RADIL: variants seen among roughly 807,000 people sequenced by gnomAD.
RADIL encodes ras-associating and dilute domain-containing protein.
RADIL carries 99 observed loss-of-function variants against 97.6 expected under a neutral mutation model. The observed-to-expected ratio is 1.01, with a 90% CI of 0.86 to 1.20. The LOEUF (loss-of-function observed/expected upper bound fraction) is 1.20. Among genes scored for constraint, RADIL ranks in the 50% most tolerant of loss-of-function variants. The probability of loss-of-function intolerance (pLI) is 0.00; values close to 1 mark genes in which losing one functional copy is unlikely to be tolerated. For synonymous variants in RADIL, 803 were observed against 691.8 expected, an observed-to-expected ratio of 1.16 and a Z score of -2.52; for missense variants, 1,765 against 1,498.9, an observed-to-expected ratio of 1.18 and a Z score of -2.93.
rs374130903 is a variant in RADIL at position 4,799,785 on chromosome 7, G to A, written c.2983-16C>T. 1.8e-4 allele frequency: 267 copies of A among 1,508,310 alleles called. 1 individual carries two copies. In the African/African-American group the frequency reaches 3.3e-3, roughly 19 times the overall value. The allele number at this position is 1,508,310 out of a possible 1,614,324, so 93.4% of individuals were successfully genotyped here. A position where few individuals can be genotyped will look rare whatever the true frequency, so the allele number is the denominator to read the frequency against. ...GGTGCGTGTGCTGGGGACAAGCAGA[G>A]GCCTCAGAGCTCCGCAGGCCCGACT... is the stretch of plus-strand genomic sequence containing the variant. On this transcript the variant is annotated splice_polypyrimidine_tract_variant and intron_variant, in intron 13 of 14. Transcript: ENST00000399583.
intron 2 of RADIL, chr7:4,860,585 T>G: frequency 6.2e-7 from 1 of 1,614,250 alleles, no homozygotes; most frequent in Non-Finnish European, 8.5e-7. Context: ...AATAAATTCA[T>G]TCTTCTCCAA....
rs1000083496 is a variant in RADIL, at chr7:4,880,089, G to A, written c.-64-1886C>T. Among the ~76,000 whole-genome samples the A allele has an allele frequency of 3.3e-5, 5 of 152,134 alleles. No homozygotes were observed. The highest frequency in any genetic ancestry group is 4.4e-5 in the Non-Finnish European group (3 of 68,036). ...TAGCCCACTGCGGACACTTCACCACGGCAAAGGCTTTCGCTGTGCCTGGCT... is the reference window on the plus strand; with the variant it reads ...TAGCCCACTGCGGACACTTCACCACAGCAAAGGCTTTCGCTGTGCCTGGCT... On this transcript the variant is annotated intron_variant, in intron 1 of 14. Coordinates refer to ENST00000399583, the MANE Select transcript of RADIL (RefSeq NM_018059.5). This position sits in a 1 kb window ranked among gnomAD's most constrained non-coding sequence, Gnocchi z 4.5.
intron 9 of RADIL, among the ~76,000 whole-genome samples, chr7:4,809,931 C>G (rs115634997): frequency 0.017 from 2,538 of 152,250 alleles, 79 homozygotes; most frequent in African/African-American, 0.058. Flanking sequence ...CGGCTCACTG[C>G]CAGCTCCATC....
chr7:4,845,680 C>T (rs1783549282), intron 2 of RADIL, among the ~76,000 whole-genome samples: 6 of 152,156 alleles, frequency 3.9e-5, no homozygotes, highest in Admixed American at 3.9e-4. Flanking sequence ...TATTTTTTTA[C>T]ATACTCTAGG....
At chr7:4,799,947 G>A (rs949400441) in intron 13 of RADIL, among the ~76,000 whole-genome samples, 178 bp from the exon 14 acceptor site, 4 of 152,214 alleles carry the variant, frequency 2.6e-5, no homozygotes, top group African/African-American at 9.6e-5. Flanking sequence ...ACAGGCCCAG[G>A]ACAGACCCCA....
rs371257914 is a variant in RADIL at position 4,836,575 on chromosome 7, C to A, written c.566G>T (p.Arg189Leu). 6 of 1,607,498 alleles carry A rather than the reference C, an allele frequency of 3.7e-6. No individual in the cohort carries two copies. Among genetic ancestry groups the A allele is most frequent in the Non-Finnish European group, 5.1e-6 (6 of 1,179,554 alleles). The change falls in exon 3 of 15, where the codon CGG (arginine) becomes CTG (leucine). Residue 189 changes from arginine to leucine, a missense_variant. Physicochemically the swap from Arg to Leu is moderately radical, Grantham distance 102. Transcript: ENST00000399583. ...GINAQARRLQRSRAKGTPTPA... is the reference protein window; with the variant it reads ...GINAQARRLQLSRAKGTPTPA... ...GGTCGGGGTTCCCTTCGCGCGACTC[C>A]GCTGCAGCCTCCGGGCCTGGGCGTT...
At chr7:4,802,408 C>CGG (rs775997082) in intron 11 of RADIL, among the ~76,000 whole-genome samples, 9 of 106,900 alleles carry the variant, frequency 8.4e-5, no homozygotes, top group African/African-American at 1.1e-4. Context: ...GCTGGCTGGG[C>CGG]CCCCTCCCCG....
chr7:4,853,465 G>C (rs996099686), intron 2 of RADIL, among the ~76,000 whole-genome samples: 1 of 152,036 alleles, frequency 6.6e-6, no homozygotes, highest in African/African-American at 2.4e-5. Context: ...GGGGTAGGCC[G>C]GGCATGTTGG....
chr7:4,860,959 G>A, intron 2 of RADIL: 1 of 1,614,216 alleles, frequency 6.2e-7, no homozygotes, highest in Non-Finnish European at 8.5e-7. Flanking sequence ...GTAACACTGG[G>A]TTTGGCCATT....
rs1781985661 is a variant in RADIL at position 4,798,814 on chromosome 7, G to A, written c.*564C>T. On this transcript the variant is annotated 3_prime_UTR_variant, in exon 15 of 15. Transcript: ENST00000399583. The stretch of plus-strand genomic sequence containing the variant: ...AGGCCGGTCCACTTTCCAACGCCTG[G>A]GTGTCTAGACCTTTCTCTGGGGCCT... The A allele has an allele frequency of 6.5e-6, 1 of 153,624 alleles. No individual in the cohort carries two copies. Among genetic ancestry groups the A allele is most frequent in the South Asian group, 2.0e-4 (1 of 4,906 alleles). The allele number at this position is 153,624 out of a possible 1,614,324, so 9.5% of individuals were successfully genotyped here. A position where few individuals can be genotyped will look rare whatever the true frequency, so the allele number is the denominator to read the frequency against.
intron 9 of RADIL, chr7:4,809,629 T>A: frequency 1.0e-6 from 1 of 984,940 alleles, no homozygotes; most frequent in Non-Finnish European, 1.2e-6. Flanking sequence ...CAGCTCAACC[T>A]GCCCTTTCAG....
At chr7:4,808,046 C>A in intron 9 of RADIL, among the ~76,000 whole-genome samples, 1 of 126,356 alleles carries the variant, frequency 7.9e-6, no homozygotes, top group Non-Finnish European at 1.7e-5. Flanking sequence ...GCTCCTTCCT[C>A]CCTCTCCTTC....
chr7:4,850,386 C>G (rs1467196462), intron 2 of RADIL, among the ~76,000 whole-genome samples: 1 of 152,178 alleles, frequency 6.6e-6, no homozygotes, highest in Non-Finnish European at 1.5e-5. Flanking sequence ...TGGGCTCACT[C>G]TGTGATTATG....
intron 2 of RADIL, among the ~76,000 whole-genome samples, chr7:4,857,473 G>A (rs932069159): frequency 2.0e-5 from 3 of 152,114 alleles, no homozygotes; most frequent in Non-Finnish European, 4.4e-5. Context: ...ACCATAGATC[G>A]TGTTTTCTTT....
In RADIL at chr7:4,801,971, C is replaced by G; in HGVS notation, c.2524G>C (p.Gly842Arg). The change falls in exon 12 of 15, where the codon GGG becomes CGG. Residue 842 changes from glycine to arginine, a missense_variant. By Grantham distance (125) the Gly-to-Arg change is moderately radical. Coordinates refer to ENST00000399583, the MANE Select transcript of RADIL (RefSeq NM_018059.5). Reference protein sequence around the residue: ...PEGMHHVVLDGHLEAPSCPLA... With the variant: ...PEGMHHVVLDRHLEAPSCPLA... ...GGGCAGCTCGGGGCCTCCAGGTGCC[C>G]GTCAAGGACCACGTGGTGCATACCC... 1 of 1,546,340 alleles carries G rather than the reference C, an allele frequency of 6.5e-7. No homozygotes were observed. The highest frequency in any genetic ancestry group is 8.7e-7 in the Non-Finnish European group (1 of 1,150,964).
Position 4,799,371 on chromosome 7 carries a change from A to C in RADIL, c.*7T>G. On this transcript the variant is annotated 3_prime_UTR_variant, in exon 15 of 15. Transcript: ENST00000399583. Reference sequence around the variant, plus strand: ...GCCGGGCCTGTGGGGGTGTCCTCGCAGCCCCCCTAGAGAGGGGGCGTGCGG... The same window carrying C: ...GCCGGGCCTGTGGGGGTGTCCTCGCCGCCCCCCTAGAGAGGGGGCGTGCGG... 1 of 1,612,640 alleles carries C rather than the reference A, an allele frequency of 6.2e-7. No homozygotes were observed. Among genetic ancestry groups the C allele is most frequent in the Non-Finnish European group, 8.5e-7 (1 of 1,179,190 alleles).
At chr7:4,816,533 G>A in intron 7 of RADIL, 68 bp from the exon 8 acceptor site, 3 of 1,337,958 alleles carry the variant, frequency 2.2e-6, no homozygotes, top group Non-Finnish European at 3.2e-6. Flanking sequence ...CGGGGGGCCT[G>A]ACCCAGCGAG....
In RADIL at chr7:4,824,362, C is replaced by T. The variant is rs1029774266; in HGVS notation, c.1455-1808G>A. On this transcript the variant is annotated intron_variant, in intron 5 of 14. Transcript: ENST00000399583. The surrounding 1 kb of genome is among the most constrained non-coding windows in gnomAD (Gnocchi z 6.7). ...GTGCTCAGTCCCAGGTGTGTGGACC[C>T]GGCCTGGGGTCCTTTGAAAGGTGCC... 3.3e-5 allele frequency among the ~76,000 whole-genome samples: 5 copies of T among 152,210 alleles called. No individual in the cohort carries two copies. Among genetic ancestry groups the T allele is most frequent in the Admixed American group, 6.5e-5 (1 of 15,274 alleles).
At chr7:4,829,941 T>C (rs1487782148) in intron 5 of RADIL, among the ~76,000 whole-genome samples, 1 of 152,128 alleles carries the variant, frequency 6.6e-6, no homozygotes, top group Non-Finnish European at 1.5e-5. Context: ...AAGGCACGGA[T>C]GGGAATCACG....
Sources: allele counts gnomAD v4.1 joint callset (sites outside exome capture counted in the v4.1 genomes callset), GRCh38; gene constraint gnomAD v4.1.1; non-coding constraint Gnocchi (gnomAD v3.1); transcripts MANE v1.5; gene names NCBI Gene and HGNC (gene_info 2026-07-23, HGNC 2026-07-21).